The following ACOT12 variants were observed in gnomAD, a reference collection of about 807,000 sequenced individuals.
The protein encoded by ACOT12 is acyl-CoA thioesterase 12.
ACOT12 carries 51 observed loss-of-function variants against 67.7 expected under a neutral mutation model. The observed-to-expected ratio is 0.75, with a 90% CI of 0.60 to 0.95. The LOEUF (loss-of-function observed/expected upper bound fraction) is 0.95, where lower values mean the gene tolerates loss of function less well. Among genes scored for constraint, ACOT12 ranks in the 40% least tolerant of loss-of-function variants. The probability of loss-of-function intolerance (pLI) is 0.00; values close to 1 mark genes in which losing one functional copy is unlikely to be tolerated. For synonymous variants in ACOT12, 251 were observed against 244.6 expected (o/e 1.03, Z -0.24); for missense variants, 734 against 708.1 (o/e 1.04, Z -0.41).
intron 3 of ACOT12, among the ~76,000 whole-genome samples, chr5:81,368,376 T>C (rs895869468): frequency 5.9e-5 from 9 of 152,150 alleles, no homozygotes; most frequent in African/African-American, 2.2e-4. Context: ...GAATACTTCA[T>C]TGACTATAAG....
At chr5:81,361,728 C>T (rs764592468) in intron 4 of ACOT12, among the ~76,000 whole-genome samples, 14 of 152,330 alleles carry the variant, frequency 9.2e-5, no homozygotes, top group South Asian at 4.1e-4. Context: ...TTTCTCCCTC[C>T]GCACCATCTG....
chr5:81,393,871 G>T, intron 1 of ACOT12, 117 bp downstream of exon 1: 11 of 1,127,208 alleles, frequency 9.8e-6, no homozygotes, highest in Non-Finnish European at 1.2e-5. Flanking sequence ...CCCTGGCTGC[G>T]CAGGGTTCAG....
intron 12 of ACOT12, 64 bp from the exon 13 acceptor site, chr5:81,332,669 AT>A: frequency 6.3e-7 from 1 of 1,585,048 alleles, no homozygotes. Context: ...CACTTCCCTT[AT>A]TTGCTTACAT....
At position 81,330,894 on chromosome 5, in the gene ACOT12, G is replaced by C; in HGVS notation, c.1438C>G (p.Pro480Ala). The change falls in exon 14 of 15, where the codon CCC becomes GCC. Residue 480 changes from proline (P) to alanine (A), a missense_variant. By Grantham distance (27) the Pro-to-Ala change is conservative. Coordinates refer to ENST00000307624, the MANE Select transcript of ACOT12 (RefSeq NM_130767.3). ...CTTCTGATGTACTGTGGAGACGGGGGGACCGATGGCAAAATGACCGACTTC... is the reference window on the plus strand; with the variant it reads ...CTTCTGATGTACTGTGGAGACGGGGCGACCGATGGCAAAATGACCGACTTC... ...AVKSVILPSV[P>A]PSPQYIRSEI... The C allele has an allele frequency of 6.2e-7, 1 of 1,612,632 alleles. No homozygotes were observed. Among genetic ancestry groups the C allele is most frequent in the Non-Finnish European group, 8.5e-7 (1 of 1,179,300 alleles).
At chr5:81,328,037 C>T (rs573862998), downstream of ACOT12, among the ~76,000 whole-genome samples, 4 of 152,266 alleles carry the variant, frequency 2.6e-5, no homozygotes, top group Middle Eastern at 3.4e-3. Flanking sequence ...AATTTTCTCT[C>T]GCTCTGTTGA....
At chr5:81,361,913 C>T (rs746824228) in intron 4 of ACOT12, among the ~76,000 whole-genome samples, 1 of 152,210 alleles carries the variant, frequency 6.6e-6, no homozygotes, top group African/African-American at 2.4e-5. Flanking sequence ...AATAAACTCA[C>T]TGTGAACAGA....
In ACOT12 at chr5:81,393,715, C is replaced by CAAACA. The variant is rs149982728; in HGVS notation, c.127+272_127+273insTGTTT. On this transcript the variant is annotated intron_variant, in intron 1 of 14. Coordinates refer to ENST00000307624, the MANE Select transcript of ACOT12 (RefSeq NM_130767.3). ...CCGGGAGAGAGCTCAACAACAACAA[C>CAAACA]AACAAACAAACAAACAAAAAACCCC... 1.1e-3 allele frequency among the ~76,000 whole-genome samples: 161 copies of CAAACA among 151,320 alleles called. 1 individual carries two copies. The highest frequency in any genetic ancestry group is 3.4e-3 in the Middle Eastern group (1 of 292).
chr5:81,387,116 C>T (rs1242385266), intron 1 of ACOT12, among the ~76,000 whole-genome samples: 3 of 151,292 alleles, frequency 2.0e-5, no homozygotes, highest in African/African-American at 4.9e-5. Flanking sequence ...AGCAATTCTC[C>T]TGCCTCAGCC....
chr5:81,360,431 T>C (rs934731284), intron 4 of ACOT12, among the ~76,000 whole-genome samples: 1 of 152,176 alleles, frequency 6.6e-6, no homozygotes, highest in Non-Finnish European at 1.5e-5. Flanking sequence ...GGAATAAATT[T>C]TGCAAAATTA....
chr5:81,322,153 C>G, the ACOT12 span, among the ~76,000 whole-genome samples: 1 of 151,966 alleles, frequency 6.6e-6, no homozygotes, highest in Non-Finnish European at 1.5e-5. Flanking sequence ...ATCATTGAGG[C>G]TTTTCTTTTT....
intron 5 of ACOT12, among the ~76,000 whole-genome samples, chr5:81,358,353 G>C (rs1291848313): frequency 6.6e-6 from 1 of 152,192 alleles, no homozygotes; most frequent in Non-Finnish European, 1.5e-5. Flanking sequence ...TGAGGAGACA[G>C]CAGGGTTTTG....
At chr5:81,344,533 A>G (rs1418769234) in intron 8 of ACOT12, among the ~76,000 whole-genome samples, 2 of 152,216 alleles carry the variant, frequency 1.3e-5, no homozygotes, top group Admixed American at 6.5e-5. Context: ...CAATCAGGTA[A>G]TTTAGGGATG....
chr5:81,345,664 G>A (rs1263576495), intron 7 of ACOT12, among the ~76,000 whole-genome samples: 3 of 151,698 alleles, frequency 2.0e-5, no homozygotes, highest in Non-Finnish European at 4.4e-5. Context: ...TGGGACATAC[G>A]GCTACCCTTA....
At chr5:81,327,390 G>A (rs1580519371), downstream of ACOT12, among the ~76,000 whole-genome samples, 1 of 152,058 alleles carries the variant, frequency 6.6e-6, no homozygotes, top group Non-Finnish European at 1.5e-5. Context: ...GAAACCGAAT[G>A]CAGATTAGTA....
chr5:81,311,983 G>A, the ACOT12 span, among the ~76,000 whole-genome samples: 1 of 152,154 alleles, frequency 6.6e-6, no homozygotes, highest in Non-Finnish European at 1.5e-5. Flanking sequence ...ACGCAAATAA[G>A]TCTGCTCATT....
intron 5 of ACOT12, among the ~76,000 whole-genome samples, chr5:81,354,704 C>CTTTTT (rs68032491): frequency 6.7e-6 from 1 of 148,436 alleles, no homozygotes; most frequent in Non-Finnish European, 1.5e-5. Context: ...TCAATTATGT[C>CTTTTT]TTTTTTTTTT....
intron 14 of ACOT12, 68 bp downstream of exon 14, chr5:81,330,746 G>A: frequency 3.2e-6 from 5 of 1,582,102 alleles, no homozygotes; most frequent in Non-Finnish European, 4.3e-6. Context: ...TAGGACATCT[G>A]GGTAAATTAA....
chr5:81,384,329 C>T (rs566561374), intron 2 of ACOT12, among the ~76,000 whole-genome samples: 44 of 151,812 alleles, frequency 2.9e-4, no homozygotes, highest in East Asian at 1.4e-3. Context: ...ACAAAATAGA[C>T]GGGGTTTCAT....
At chr5:81,345,090 A>T in intron 7 of ACOT12, 49 bp from the exon 8 acceptor site, 1 of 1,604,918 alleles carries the variant, frequency 6.2e-7, no homozygotes, top group Non-Finnish European at 8.5e-7. Context: ...TTGACCCATC[A>T]GGCCCTCCTT....
Sources: allele counts gnomAD v4.1 joint callset (sites outside exome capture counted in the v4.1 genomes callset), GRCh38; gene constraint gnomAD v4.1.1; transcripts MANE v1.5; gene names NCBI Gene and HGNC (gene_info 2026-07-23, HGNC 2026-07-21).